FOXP1: variants seen among roughly 807,000 people sequenced by gnomAD.
The protein encoded by FOXP1 is forkhead box P1.
In FOXP1, 15 loss-of-function variants were observed where a neutral mutation model predicts 98.2. That is an observed-to-expected ratio of 0.15 (90% CI 0.10 to 0.24). The LOEUF (loss-of-function observed/expected upper bound fraction) is 0.24, where lower values mean the gene tolerates loss of function less well. Among genes scored for constraint, FOXP1 ranks in the 10% least tolerant of loss-of-function variants. The probability of loss-of-function intolerance (pLI) is 1.00; values close to 1 mark genes in which losing one functional copy is unlikely to be tolerated. For missense variants in FOXP1, 633 were observed against 848.5 expected, an observed-to-expected ratio of 0.75 and a Z score of 3.15; for synonymous variants, 371 against 314.5, an observed-to-expected ratio of 1.18 and a Z score of -1.90.
At chr3:71,338,176 A>G (rs191066727) in intron 4 of FOXP1, among the ~76,000 whole-genome samples, 92 of 152,336 alleles carry the variant, frequency 6.0e-4, no homozygotes, top group African/African-American at 2.1e-3. Context: ...TCAAAGTGAG[A>G]TCTGCAAAAA....
intron 13 of FOXP1, among the ~76,000 whole-genome samples, chr3:70,993,976 C>G (rs2040986469): frequency 6.8e-6 from 1 of 147,556 alleles, no homozygotes; most frequent in African/African-American, 2.5e-5. Context: ...GCCTGGGCAA[C>G]AGAGCAAAAC....
intron 3 of FOXP1, among the ~76,000 whole-genome samples, chr3:71,418,122 T>G (rs868190412): frequency 2.1e-5 from 3 of 140,774 alleles, no homozygotes; most frequent in East Asian, 1.9e-4. Flanking sequence ...TGTGGGTGTG[T>G]GTGTGTGTGT....
At chr3:71,156,557 A>G (rs1199296145) in intron 6 of FOXP1, among the ~76,000 whole-genome samples, 1 of 152,254 alleles carries the variant, frequency 6.6e-6, no homozygotes, top group East Asian at 1.9e-4. Context: ...GAATGAGGCT[A>G]GCATTTGCAA....
At chr3:71,210,482 A>G (rs1165768257) in intron 5 of FOXP1, among the ~76,000 whole-genome samples, 1 of 152,110 alleles carries the variant, frequency 6.6e-6, no homozygotes, top group African/African-American at 2.4e-5. Flanking sequence ...AGGCTCAAGG[A>G]CCTGTTAACA....
At chr3:71,485,544 A>C (rs1391652829) in intron 3 of FOXP1, among the ~76,000 whole-genome samples, 1 of 152,142 alleles carries the variant, frequency 6.6e-6, no homozygotes, top group Non-Finnish European at 1.5e-5. Context: ...CAAGGCGGGC[A>C]GATCACCTGA....
rs753928181 is a variant in FOXP1 at position 71,297,260 on chromosome 3, A to AT, written c.-12+2559dup. Among the ~76,000 whole-genome samples, 163 of 152,022 alleles carry AT rather than the reference A, an allele frequency of 1.1e-3. 1 individual carries two copies. Among genetic ancestry groups the AT allele is most frequent in the Non-Finnish European group, 1.7e-3 (113 of 67,974 alleles). On this transcript the variant is annotated intron_variant, in intron 5 of 20. Coordinates refer to ENST00000649528, the MANE Select transcript of FOXP1 (RefSeq NM_001349338.3). Reference sequence around the variant, plus strand: ...ACTTGATAGTGATTATGAAGAAAGCATTTTTTTTGTAATATAGACTATTTT... The same window carrying AT: ...ACTTGATAGTGATTATGAAGAAAGCATTTTTTTTTGTAATATAGACTATTTT...
At chr3:71,278,965 G>T (rs1364460395) in intron 5 of FOXP1, among the ~76,000 whole-genome samples, 1 of 152,008 alleles carries the variant, frequency 6.6e-6, no homozygotes, top group African/African-American at 2.4e-5. Context: ...GCCGAGGCGG[G>T]TGGATCACCT....
chr3:71,232,877 C>CCAAAAAAAAAA (rs1553791711), intron 5 of FOXP1, among the ~76,000 whole-genome samples: 1 of 31,422 alleles, frequency 3.2e-5, no homozygotes, highest in African/African-American at 1.1e-4. Flanking sequence ...AACTCTGTCT[C>CCAAAAAAAAAA]AAAAAAAAAA....
intron 7 of FOXP1, among the ~76,000 whole-genome samples, chr3:71,108,329 T>C (rs1244738598): frequency 1.3e-5 from 2 of 152,190 alleles, no homozygotes; most frequent in Non-Finnish European, 2.9e-5. Flanking sequence ...GTTCCAAAAT[T>C]TGATCAATAA....
intron 12 of FOXP1, among the ~76,000 whole-genome samples, chr3:71,012,045 G>T (rs2043729810): frequency 6.6e-6 from 1 of 152,104 alleles, no homozygotes; most frequent in Admixed American, 6.6e-5. Flanking sequence ...GCATAAGTTA[G>T]CCATTAACAA....
At chr3:71,326,952 C>T (rs983986250) in intron 4 of FOXP1, among the ~76,000 whole-genome samples, 3 of 152,200 alleles carry the variant, frequency 2.0e-5, no homozygotes, top group African/African-American at 7.2e-5. Flanking sequence ...CAGCATTATA[C>T]TCTTCTTATC....
intron 3 of FOXP1, among the ~76,000 whole-genome samples, chr3:71,442,510 C>T (rs897049795): frequency 5.3e-5 from 8 of 152,126 alleles, no homozygotes; most frequent in South Asian, 2.1e-4. Context: ...ATGCAAGTCT[C>T]GCGCAGTGAG....
At chr3:71,543,126 C>T (rs773028811) in intron 2 of FOXP1, among the ~76,000 whole-genome samples, 5 of 152,170 alleles carry the variant, frequency 3.3e-5, no homozygotes, top group Admixed American at 1.3e-4. Context: ...TTCCCCGCTT[C>T]GGCTCTGTAA....
At chr3:71,098,209 TTCCTTCCTCCC>T (rs1168790911) in intron 7 of FOXP1, among the ~76,000 whole-genome samples, 20 of 152,230 alleles carry the variant, frequency 1.3e-4, no homozygotes, top group African/African-American at 4.8e-4. Context: ...TAGGTGTATT[TTCCTTCCTCCC>T]TGCAAGTATA....
chr3:71,340,308 C>T (rs1033062805), intron 4 of FOXP1, among the ~76,000 whole-genome samples: 1 of 152,200 alleles, frequency 6.6e-6, no homozygotes, highest in African/African-American at 2.4e-5. Context: ...AGTTATAACT[C>T]TTTGATTTGT....
intron 11 of FOXP1, among the ~76,000 whole-genome samples, chr3:71,036,775 C>G (rs753311710): frequency 6.6e-6 from 1 of 152,228 alleles, no homozygotes; most frequent in East Asian, 1.9e-4. Context: ...TCATGAAAGG[C>G]CTGGTAAATA....
intron 20 of FOXP1, among the ~76,000 whole-genome samples, chr3:70,959,960 G>A (rs1216931338): frequency 2.0e-5 from 3 of 152,286 alleles, no homozygotes; most frequent in Non-Finnish European, 4.4e-5. Flanking sequence ...ATAATTACAC[G>A]AAATAAGAAT....
chr3:71,144,881 T>C (rs1056548679), intron 6 of FOXP1, among the ~76,000 whole-genome samples: 1 of 152,218 alleles, frequency 6.6e-6, no homozygotes, highest in Non-Finnish European at 1.5e-5. Context: ...TGATGGAGTC[T>C]CTATCACTGT....
chr3:71,164,239 G>A (rs540462346), intron 6 of FOXP1, among the ~76,000 whole-genome samples: 32 of 151,668 alleles, frequency 2.1e-4, no homozygotes, highest in Non-Finnish European at 4.4e-4. Context: ...TTGCTCAGTC[G>A]CCCAGGCTGG....
Sources: gnomAD v4.1 joint callset for allele counts (sites outside exome capture counted in the v4.1 genomes callset) on GRCh38, gnomAD v4.1.1 for gene constraint, MANE v1.5 for transcripts, NCBI Gene and HGNC (gene_info 2026-07-23, HGNC 2026-07-21) for gene names.